Variants in DCAF1 observed in about 807,000 individuals in gnomAD.
DCAF1 encodes DDB1- and CUL4-associated factor 1.
DCAF1 carries 15 observed loss-of-function variants against 128.0 expected under a neutral mutation model. The observed-to-expected ratio is 0.12, with a 90% CI of 0.08 to 0.18. The LOEUF is 0.18. Ranked by LOEUF, DCAF1 falls within the 10% of genes least tolerant of loss-of-function variation. The probability of loss-of-function intolerance (pLI) is 1.00; values close to 1 mark genes in which losing one functional copy is unlikely to be tolerated. For missense variants in DCAF1, 988 were observed against 1,649.5 expected (o/e 0.60, Z 6.95); for synonymous variants, 610 against 603.0 (o/e 1.01, Z -0.17).
At chr3:51,406,211 T>C (rs2090094085) in intron 23 of DCAF1, among the ~76,000 whole-genome samples, 1 of 150,470 alleles carries the variant, frequency 6.6e-6, no homozygotes, top group African/African-American at 2.5e-5. Context: ...GGTGTGGTGA[T>C]GGGCACCTGT....
At position 51,418,833 on chromosome 3, in the gene DCAF1, T is replaced by C. The variant is rs1699131807; in HGVS notation, c.3280A>G (p.Ser1094Gly). ...GAGAATGCACAGCAGGTGAAGCCAC[T>C]CTCATCTTCATTGGCTTCCCGGAAC... The part of the protein sequence containing the change: ...SVFREANEDE[S>G]GFTCCAFSAR... Residue 1094 changes from serine to glycine, a missense_variant, in exon 16 of 25, where the codon AGT (serine) becomes GGT (glycine). Coordinates refer to ENST00000684031, the MANE Select transcript of DCAF1 (RefSeq NM_001387579.1). The C allele has an allele frequency of 6.2e-7, 1 of 1,613,820 alleles. No individual in the cohort carries two copies. Among genetic ancestry groups the C allele is most frequent in the Non-Finnish European group, 8.5e-7 (1 of 1,179,832 alleles).
chr3:51,486,287 G>A (rs1706950437), intron 2 of DCAF1, among the ~76,000 whole-genome samples: 1 of 151,136 alleles, frequency 6.6e-6, no homozygotes, highest in Non-Finnish European at 1.5e-5. Context: ...CAACCACCTG[G>A]GCTCAAGTGA....
chr3:51,483,453 T>G (rs1361837728), intron 3 of DCAF1, among the ~76,000 whole-genome samples: 1 of 151,346 alleles, frequency 6.6e-6, no homozygotes, highest in African/African-American at 2.4e-5. Context: ...AAAAAAAAAT[T>G]AAATTAAATT....
At chr3:51,458,106 G>C (rs1275794357) in intron 6 of DCAF1, among the ~76,000 whole-genome samples, 3 of 152,148 alleles carry the variant, frequency 2.0e-5, no homozygotes, top group Non-Finnish European at 4.4e-5. Flanking sequence ...CCAATTAAAA[G>C]ACACAGACTG....
At chr3:51,429,528 A>G in intron 11 of DCAF1, 58 bp from the exon 12 acceptor site, 1 of 753,622 alleles carries the variant, frequency 1.3e-6, no homozygotes, top group Non-Finnish European at 2.5e-6. Flanking sequence ...GAGTTAAGTA[A>G]AAATATTTAA....
At chr3:51,471,210 G>T (rs1195179713) in intron 3 of DCAF1, among the ~76,000 whole-genome samples, 1 of 139,726 alleles carries the variant, frequency 7.2e-6, no homozygotes, top group Non-Finnish European at 1.5e-5. Context: ...TTTTTTGACA[G>T]TCTCGCTCTG....
In DCAF1 at chr3:51,463,051, C is replaced by T. The variant is rs938969117; in HGVS notation, c.375+63G>A. 4.4e-6 allele frequency: 5 copies of T among 1,130,596 alleles called. No individual in the cohort carries two copies. The African/African-American group carries it at 6.4e-5, about 14-fold the overall frequency. The allele number at this position is 1,130,596 out of a possible 1,614,324, so 70.0% of individuals were successfully genotyped here. A position where few individuals can be genotyped will look rare whatever the true frequency, so the allele number is the denominator to read the frequency against. On this transcript the variant is annotated intron_variant, in intron 6 of 24. Transcript: ENST00000684031. Reference sequence around the variant, plus strand: ...GTAACAATGATTTTAACCACAAAGACAAATCAAATACATCATAATTCAATT... The same window carrying T: ...GTAACAATGATTTTAACCACAAAGATAAATCAAATACATCATAATTCAATT...
chr3:51,422,629 T>C (rs1553632905), intron 13 of DCAF1, among the ~76,000 whole-genome samples, 198 bp from the exon 14 acceptor site: 1 of 152,162 alleles, frequency 6.6e-6, no homozygotes. Flanking sequence ...CCAAAAAATA[T>C]AGCAATGGAA....
At chr3:51,488,011 C>T (rs1275970021) in intron 2 of DCAF1, among the ~76,000 whole-genome samples, 5 of 152,006 alleles carry the variant, frequency 3.3e-5, no homozygotes, top group African/African-American at 1.2e-4. Flanking sequence ...GCTACAGGCA[C>T]GCGCCATCAT....
chr3:51,492,040 C>A (rs1184865945), intron 2 of DCAF1, among the ~76,000 whole-genome samples: 2 of 151,604 alleles, frequency 1.3e-5, no homozygotes, highest in African/African-American at 2.4e-5. Flanking sequence ...CTGGTAGTCC[C>A]AGCTACTCGG....
At chr3:51,441,165 T>G in intron 8 of DCAF1, 94 bp from the exon 9 acceptor site, 3 of 1,276,702 alleles carry the variant, frequency 2.3e-6, no homozygotes, top group Non-Finnish European at 2.2e-6. Flanking sequence ...AAAGAAATGA[T>G]GCACCTCTTC....
At chr3:51,498,596 T>G (rs1553662574) in intron 1 of DCAF1, among the ~76,000 whole-genome samples, 1 of 151,812 alleles carries the variant, frequency 6.6e-6, no homozygotes, top group East Asian at 1.9e-4. Context: ...AATAAAAAAT[T>G]TTAAAACTGT....
At chr3:51,441,161 A>G in intron 8 of DCAF1, 90 bp from the exon 9 acceptor site, 1 of 1,290,112 alleles carries the variant, frequency 7.8e-7, no homozygotes, top group South Asian at 1.3e-5. Context: ...GCCTAAAGAA[A>G]TGATGCACCT....
chr3:51,483,139 GAAAA>G (rs374351985), intron 3 of DCAF1, among the ~76,000 whole-genome samples: 1 of 125,050 alleles, frequency 8.0e-6, no homozygotes, highest in Non-Finnish European at 1.6e-5. Context: ...AACTCCGTAT[GAAAA>G]AAAAAAAAAA....
intron 6 of DCAF1, among the ~76,000 whole-genome samples, chr3:51,459,825 G>A (rs1553643955): frequency 6.6e-6 from 1 of 152,184 alleles, no homozygotes. Context: ...TATCTCAATA[G>A]ATGCAGAAAC....
chr3:51,500,629 C>T (rs1189332465), upstream of DCAF1, among the ~76,000 whole-genome samples: 1 of 152,034 alleles, frequency 6.6e-6, no homozygotes, highest in East Asian at 1.9e-4. Context: ...ACCTCCGCCT[C>T]CCGGGCTCAA....
In DCAF1 at chr3:51,420,985, A is replaced by G; in HGVS notation, c.1985T>C (p.Ile662Thr). 6.2e-7 allele frequency: 1 copy of G among 1,611,648 alleles called. No homozygotes were observed. Among genetic ancestry groups the G allele is most frequent in the Non-Finnish European group, 8.5e-7 (1 of 1,178,248 alleles). ...GAACTCACCCTCAGCCACTCCCAAA[A>G]TAATGCTGATACCTAATGGGAAAAA... ...STVSTVGISI[I>T]LGVAEGEFFI... Residue 662 changes from isoleucine (I) to threonine (T), a missense_variant, in exon 15 of 25, where the codon ATT becomes ACT. By Grantham distance (89) the Ile-to-Thr change is moderately conservative. This residue lies in a region of DCAF1 where 185 missense variants were observed against 248.1 expected (regional missense o/e 0.75). Transcript: ENST00000684031. The surrounding 1 kb of genome is among the most constrained non-coding windows in gnomAD (Gnocchi z 6.5).
In DCAF1 at chr3:51,463,168, T is replaced by C. The variant is rs1553645230; in HGVS notation, c.321A>G (p.Arg107=). The change falls in exon 6 of 25, where the codon AGA becomes AGG. Residue 107 remains arginine (R), a synonymous_variant. Transcript: ENST00000684031. ...REPPLNTAAC[R]LLLDIMPGLE... ...GCCCTGGCATGATGTCTAATAGGAG[T>C]CTGCAAGCTGCAGTGTTTAAAGGGG... is the stretch of plus-strand genomic sequence containing the variant. 1.3e-6 allele frequency: 2 copies of C among 1,597,226 alleles called. No homozygotes were observed. The highest frequency in any genetic ancestry group is 1.7e-6 in the Non-Finnish European group (2 of 1,171,038).
chr3:51,406,354 A>C (rs1413079654), intron 23 of DCAF1, among the ~76,000 whole-genome samples: 1 of 151,222 alleles, frequency 6.6e-6, no homozygotes, highest in Non-Finnish European at 1.5e-5. Context: ...AAAAAAAAAA[A>C]AAAAAAAAAA....
Sources: allele counts gnomAD v4.1 joint callset (sites outside exome capture counted in the v4.1 genomes callset), GRCh38; gene constraint gnomAD v4.1.1; regional missense constraint gnomAD v4.1.1; non-coding constraint Gnocchi (gnomAD v3.1); transcripts MANE v1.5; gene names NCBI Gene and HGNC (gene_info 2026-07-23, HGNC 2026-07-21).